Variants in SPPL3 observed in about 807,000 individuals in gnomAD.
SPPL3 encodes the protein signal peptide peptidase like 3.
A neutral mutation model predicts 42.4 loss-of-function variants in SPPL3; 5 were observed. The observed-to-expected ratio is 0.12, with a 90% CI of 0.06 to 0.25. The LOEUF (loss-of-function observed/expected upper bound fraction) is 0.25, where lower values mean the gene tolerates loss of function less well. Among genes scored for constraint, SPPL3 ranks in the 10% least tolerant of loss-of-function variants. SPPL3 has a pLI of 1.00. For synonymous variants in SPPL3, 195 were observed against 181.8 expected, an observed-to-expected ratio of 1.07 and a Z score of -0.58; for missense variants, 235 against 489.0, an observed-to-expected ratio of 0.48 and a Z score of 4.90.
At chr12:120,900,091 A>T (rs2137073629) in intron 1 of SPPL3, among the ~76,000 whole-genome samples, 1 of 152,254 alleles carries the variant, frequency 6.6e-6, no homozygotes, top group South Asian at 2.1e-4. Flanking sequence ...TGTAAAAGTC[A>T]ACAGAATAAT....
chr12:120,780,389 G>A (rs1869485475), intron 6 of SPPL3, among the ~76,000 whole-genome samples: 1 of 151,260 alleles, frequency 6.6e-6, no homozygotes, highest in African/African-American at 2.4e-5. Flanking sequence ...TCAAGAGTTG[G>A]GTAAGCACTG....
At chr12:120,781,573 T>G (rs139723499) in intron 6 of SPPL3, among the ~76,000 whole-genome samples, 2,128 of 116,408 alleles carry the variant, frequency 0.018, 138 homozygotes, top group South Asian at 0.032. Flanking sequence ...TTTTTTTTTT[T>G]TTTTTTTTTT....
At chr12:120,811,032 C>A in intron 1 of SPPL3, 146 bp from the exon 2 acceptor site, 1 of 522,462 alleles carries the variant, frequency 1.9e-6, no homozygotes, top group Non-Finnish European at 3.4e-6. Flanking sequence ...AACAAAATAA[C>A]ACAATTAAAA....
intron 1 of SPPL3, among the ~76,000 whole-genome samples, chr12:120,830,607 A>AGAGAGAGAGAGAGAGAGAGAG (rs1555251066): frequency 2.8e-3 from 113 of 39,932 alleles, no homozygotes; most frequent in Non-Finnish European, 4.1e-3. Flanking sequence ...GAGAGAGAGA[A>AGAGAGAGAGAGAGAGAGAGAG]GGTGTACATG....
chr12:120,801,629 C>CT (rs1322162842), intron 2 of SPPL3, among the ~76,000 whole-genome samples: 4 of 152,140 alleles, frequency 2.6e-5, no homozygotes, highest in Admixed American at 6.6e-5. Context: ...GTATATACTG[C>CT]TTTTTTCTCA....
At chr12:120,776,790 G>C (rs867840771) in intron 6 of SPPL3, among the ~76,000 whole-genome samples, 1 of 152,152 alleles carries the variant, frequency 6.6e-6, no homozygotes, top group African/African-American at 2.4e-5. Context: ...TGAATAAAGA[G>C]GTTCAAGAAA....
intron 3 of SPPL3, 75 bp from the exon 4 acceptor site, chr12:120,784,668 ACTTGC>A: frequency 8.2e-7 from 1 of 1,221,004 alleles, no homozygotes; most frequent in African/African-American, 1.5e-5. Context: ...ATATACATTA[ACTTGC>A]AAAAATGCAG....
chr12:120,767,338 A>G (rs1868949563), intron 9 of SPPL3, 56 bp downstream of exon 9: 1 of 1,563,720 alleles, frequency 6.4e-7, no homozygotes, highest in East Asian at 2.3e-5. Flanking sequence ...ATTTAATTCC[A>G]AAGGTTGGAG....
intron 2 of SPPL3, among the ~76,000 whole-genome samples, chr12:120,796,505 A>G (rs764657492): frequency 6.6e-6 from 1 of 152,124 alleles, no homozygotes; most frequent in South Asian, 2.1e-4. Flanking sequence ...TGATTGACTG[A>G]TTATTTTCCT....
chr12:120,874,180 TG>T (rs1218192757), intron 1 of SPPL3, among the ~76,000 whole-genome samples: 1 of 151,766 alleles, frequency 6.6e-6, no homozygotes, highest in Non-Finnish European at 1.5e-5. Flanking sequence ...TGGCCAGGCG[TG>T]GTGGCTCACG....
chr12:120,853,783 C>T (rs1215313040), intron 1 of SPPL3, among the ~76,000 whole-genome samples: 1 of 152,064 alleles, frequency 6.6e-6, no homozygotes, highest in African/African-American at 2.4e-5. Flanking sequence ...AATACAGATG[C>T]TACTACTAGT....
intron 1 of SPPL3, among the ~76,000 whole-genome samples, chr12:120,876,616 CAAAAAAAAAAAA>C (rs71076676): frequency 2.7e-4 from 14 of 51,220 alleles, no homozygotes; most frequent in African/African-American, 9.9e-4. Context: ...GACTCTGTCT[CAAAAAAAAAAAA>C]AAAAAAAAGA....
At chr12:120,827,285 C>G (rs1038854103) in intron 1 of SPPL3, among the ~76,000 whole-genome samples, 22 of 149,466 alleles carry the variant, frequency 1.5e-4, no homozygotes, top group Middle Eastern at 6.9e-3. Context: ...ATTTGAAAGG[C>G]CTATGAGACC....
intron 2 of SPPL3, 29 bp from the exon 3 acceptor site, chr12:120,791,586 G>T (rs1322646755): frequency 6.7e-7 from 1 of 1,499,354 alleles, no homozygotes; most frequent in Non-Finnish European, 9.1e-7. Context: ...TAGTTAAGTT[G>T]TAGTTTTGCT....
At chr12:120,766,164 A>G in intron 10 of SPPL3, 99 bp downstream of exon 10, 2 of 933,440 alleles carry the variant, frequency 2.1e-6, no homozygotes, top group Non-Finnish European at 3.2e-6. Context: ...AAGCTCACTC[A>G]GGGGCTTAAG....
At chr12:120,874,335 C>T (rs1873012881) in intron 1 of SPPL3, among the ~76,000 whole-genome samples, 1 of 151,432 alleles carries the variant, frequency 6.6e-6, no homozygotes, top group South Asian at 2.1e-4. Flanking sequence ...TGCCTGTAGT[C>T]CCAGATACTC....
At chr12:120,890,840 G>A (rs928489783) in intron 1 of SPPL3, among the ~76,000 whole-genome samples, 1 of 152,120 alleles carries the variant, frequency 6.6e-6, no homozygotes, top group Admixed American at 6.5e-5. Context: ...TATTTGATGA[G>A]AATCAAGAAT....
chr12:120,781,554 CGTTTTTTTTTTTTTTTTTT>C (rs1566040001), intron 6 of SPPL3, among the ~76,000 whole-genome samples: 2 of 69,162 alleles, frequency 2.9e-5, no homozygotes, highest in African/African-American at 1.4e-4. Flanking sequence ...CTTATTGTTA[CGTTTTTTTTTTTTTTTTTT>C]TTTTTTTTTT....
chr12:120,790,681 T>A (rs1869886226), intron 3 of SPPL3, among the ~76,000 whole-genome samples: 1 of 152,254 alleles, frequency 6.6e-6, no homozygotes, highest in Non-Finnish European at 1.5e-5. Context: ...TCTACATGGA[T>A]ATCAAAATGA....
Sources: allele counts gnomAD v4.1 joint callset (sites outside exome capture counted in the v4.1 genomes callset), GRCh38; gene constraint gnomAD v4.1.1; transcripts MANE v1.5; gene names NCBI Gene and HGNC (gene_info 2026-07-23, HGNC 2026-07-21).